DOCK2: variants seen among roughly 807,000 people sequenced by gnomAD.
DOCK2 encodes the protein dedicator of cytokinesis 2, also known as dedicator of cytokinesis protein 2.
DOCK2 carries 87 observed loss-of-function variants against 248.9 expected under a neutral mutation model. That is an observed-to-expected ratio of 0.35 (90% CI 0.29 to 0.42). DOCK2 has a LOEUF of 0.42. Among genes scored for constraint, DOCK2 ranks in the 10% least tolerant of loss-of-function variants. DOCK2 has a pLI of 1.00. For synonymous variants in DOCK2, 805 were observed against 821.6 expected, an observed-to-expected ratio of 0.98 and a Z score of 0.35; for missense variants, 1,747 against 2,300.2, an observed-to-expected ratio of 0.76 and a Z score of 4.92.
chr5:169,819,451 C>T (rs1768280971), intron 26 of DOCK2, among the ~76,000 whole-genome samples: 1 of 152,122 alleles, frequency 6.6e-6, no homozygotes, highest in Non-Finnish European at 1.5e-5. Context: ...CAAGACCCTA[C>T]ACCTACAAAA....
chr5:169,729,571 G>T (rs1376130537), intron 22 of DOCK2, among the ~76,000 whole-genome samples: 3 of 152,152 alleles, frequency 2.0e-5, no homozygotes, highest in Non-Finnish European at 4.4e-5. Flanking sequence ...AGTCACTTTT[G>T]AGTCTTACTA....
At chr5:169,700,670 T>C (rs1241509699) in intron 13 of DOCK2, among the ~76,000 whole-genome samples, 1 of 152,170 alleles carries the variant, frequency 6.6e-6, no homozygotes, top group East Asian at 1.9e-4. Flanking sequence ...AATGTGTGTA[T>C]AATTTTAAAA....
chr5:169,815,248 A>G (rs988227366), intron 26 of DOCK2, among the ~76,000 whole-genome samples: 1 of 152,200 alleles, frequency 6.6e-6, no homozygotes, highest in South Asian at 2.1e-4. Context: ...ATTCTTGGGG[A>G]ATCCATCTGG....
rs141826275 is a variant in DOCK2 at position 169,914,735 on chromosome 5, T to A, written c.2800-68333T>A. Reference sequence around the variant, plus strand: ...TGCAGGAGGAGCAGTTCTGTAGCCTTCTGGTGGGGCAGGGTCTTTTAGCCA... The same window carrying A: ...TGCAGGAGGAGCAGTTCTGTAGCCTACTGGTGGGGCAGGGTCTTTTAGCCA... On this transcript the variant is annotated intron_variant, in intron 27 of 51. Coordinates refer to ENST00000520908, the MANE Select transcript of DOCK2 (RefSeq NM_004946.3). 5.6e-3 allele frequency among the ~76,000 whole-genome samples: 860 copies of A among 152,304 alleles called. 5 individuals are homozygous for A. The highest frequency in any genetic ancestry group is 0.02 in the African/African-American group (813 of 41,560).
chr5:169,957,275 G>T (rs981685565), intron 27 of DOCK2, among the ~76,000 whole-genome samples: 1 of 152,218 alleles, frequency 6.6e-6, no homozygotes, highest in African/African-American at 2.4e-5. Flanking sequence ...GGACTTAACT[G>T]CTCTGAGCCC....
chr5:169,646,879 G>T (rs1040645040), intron 1 of DOCK2, among the ~76,000 whole-genome samples: 1 of 152,200 alleles, frequency 6.6e-6, no homozygotes, highest in Non-Finnish European at 1.5e-5. Context: ...GTCAAGAGTC[G>T]GAAAACAATT....
chr5:169,856,393 A>G (rs1770896657), intron 27 of DOCK2, among the ~76,000 whole-genome samples: 1 of 152,130 alleles, frequency 6.6e-6, no homozygotes, highest in African/African-American at 2.4e-5. Context: ...AAGGGGCTTG[A>G]TGACTGTTTA....
chr5:169,808,161 G>T (rs1368583134), intron 26 of DOCK2, among the ~76,000 whole-genome samples: 1 of 152,112 alleles, frequency 6.6e-6, no homozygotes, highest in Admixed American at 6.5e-5. Context: ...CTGGCTTTTA[G>T]TTGGCATCAT....
intron 30 of DOCK2, among the ~76,000 whole-genome samples, chr5:170,004,941 T>C (rs1417767843): frequency 7.7e-6 from 1 of 129,676 alleles, no homozygotes; most frequent in African/African-American, 2.9e-5. Flanking sequence ...GGGGGAGGGA[T>C]AGCATTGGGA....
chr5:169,879,970 ATTC>A lies in DOCK2; in HGVS notation c.2799+39124_2799+39126del, dbSNP rs549475399. Among the ~76,000 whole-genome samples, 221 of 152,344 alleles carry A rather than the reference ATTC, an allele frequency of 1.5e-3. 2 individuals are homozygous for A. The highest frequency in any genetic ancestry group is 6.0e-3 in the South Asian group (29 of 4,834). On this transcript the variant is annotated intron_variant, in intron 27 of 51. Transcript: ENST00000520908. ...TTTAAATGGAGGTTAGTTCAAATTA[ATTC>A]TTCTTGTTTATGATGAATAGTTTTG...
At chr5:169,808,395 C>T (rs1412216124) in intron 26 of DOCK2, among the ~76,000 whole-genome samples, 1 of 152,168 alleles carries the variant, frequency 6.6e-6, no homozygotes, top group South Asian at 2.1e-4. Flanking sequence ...AGCAAGCCAA[C>T]CTTATTCTTT....
intron 9 of DOCK2, among the ~76,000 whole-genome samples, chr5:169,689,916 G>A (rs1296693401): frequency 6.6e-6 from 1 of 152,202 alleles, no homozygotes; most frequent in African/African-American, 2.4e-5. Context: ...TTATTTGGAT[G>A]ATTTATTTCT....
chr5:169,925,741 G>A (rs558983093), intron 27 of DOCK2, among the ~76,000 whole-genome samples: 16 of 151,738 alleles, frequency 1.1e-4, no homozygotes, highest in Non-Finnish European at 2.1e-4. Context: ...TGTGTTGGGA[G>A]CATTAAAAGA....
intron 27 of DOCK2, among the ~76,000 whole-genome samples, chr5:169,955,315 T>C (rs1776818186): frequency 1.3e-5 from 2 of 151,952 alleles, no homozygotes; most frequent in African/African-American, 2.4e-5. Context: ...GCCTTTCCCA[T>C]AGGAAGGTTC....
At chr5:169,936,222 C>T (rs531456926) in intron 27 of DOCK2, among the ~76,000 whole-genome samples, 1 of 152,302 alleles carries the variant, frequency 6.6e-6, no homozygotes, top group East Asian at 1.9e-4. Flanking sequence ...ATTTTTGAGG[C>T]CCAAGCGTGA....
chr5:169,638,192 G>T (rs991592675), intron 1 of DOCK2, among the ~76,000 whole-genome samples: 23 of 152,162 alleles, frequency 1.5e-4, no homozygotes, highest in Admixed American at 1.5e-3. Context: ...CCATCTCAGA[G>T]ATAAATATTT....
chr5:169,872,754 G>A (rs1018351092), intron 27 of DOCK2, among the ~76,000 whole-genome samples: 3 of 152,184 alleles, frequency 2.0e-5, no homozygotes, highest in African/African-American at 7.2e-5. Flanking sequence ...AAGAGGGGAA[G>A]GGACAGGAAA....
intron 26 of DOCK2, among the ~76,000 whole-genome samples, chr5:169,815,354 A>T (rs535231350): frequency 6.6e-6 from 1 of 152,348 alleles, no homozygotes; most frequent in Non-Finnish European, 1.5e-5. Flanking sequence ...TCAGCTAGAA[A>T]TACTTCTTAA....
chr5:169,768,078 A>C (rs1764891713), intron 25 of DOCK2, among the ~76,000 whole-genome samples: 1 of 152,212 alleles, frequency 6.6e-6, no homozygotes. Flanking sequence ...GTAGCAGGAA[A>C]GATAAGAAGG....
Sources: allele counts gnomAD v4.1 joint callset (sites outside exome capture counted in the v4.1 genomes callset), GRCh38; gene constraint gnomAD v4.1.1; transcripts MANE v1.5; gene names NCBI Gene and HGNC (gene_info 2026-07-23, HGNC 2026-07-21).